The following KALRN variants were observed in gnomAD, a reference collection of about 807,000 sequenced individuals.
The protein encoded by KALRN is kalirin RhoGEF kinase, also known as kalirin.
KALRN carries 70 observed loss-of-function variants against 353.7 expected under a neutral mutation model. The ratio of observed to expected loss-of-function variants is 0.20; its 90% confidence interval spans 0.16 to 0.24. KALRN has a LOEUF of 0.24. Ranked by LOEUF, KALRN falls within the 10% of genes least tolerant of loss-of-function variation. The pLI, the probability that KALRN is intolerant of heterozygous loss-of-function variation, is 1.00. For missense variants in KALRN, 2,791 were observed against 3,756.7 expected (o/e 0.74, Z 6.72); for synonymous variants, 1,391 against 1,434.8 (o/e 0.97, Z 0.69).
At chr3:124,549,945 A>C (rs965911943) in intron 33 of KALRN, among the ~76,000 whole-genome samples, 1 of 152,118 alleles carries the variant, frequency 6.6e-6, no homozygotes, top group Non-Finnish European at 1.5e-5. Flanking sequence ...GGGTTGAAGA[A>C]GTGGGTGGGG....
intron 1 of KALRN, among the ~76,000 whole-genome samples, chr3:124,141,420 T>G (rs2066614412): frequency 6.6e-6 from 1 of 152,162 alleles, no homozygotes; most frequent in African/African-American, 2.4e-5. Flanking sequence ...ATTTTCTGCT[T>G]TTTCTCATGT....
intron 3 of KALRN, among the ~76,000 whole-genome samples, chr3:124,238,309 T>TA (rs1318407632): frequency 6.6e-6 from 1 of 152,146 alleles, no homozygotes; most frequent in Non-Finnish European, 1.5e-5. Context: ...AGGCATGGCC[T>TA]CTGTTGCATT....
intron 1 of KALRN, among the ~76,000 whole-genome samples, chr3:124,185,168 A>T (rs2074065720): frequency 6.6e-6 from 1 of 152,112 alleles, no homozygotes; most frequent in African/African-American, 2.4e-5. Context: ...TGTTCATGCC[A>T]CTGCACCTGG....
chr3:124,315,650 T>C (rs1466932110), intron 6 of KALRN, among the ~76,000 whole-genome samples: 1 of 150,902 alleles, frequency 6.6e-6, no homozygotes, highest in African/African-American at 2.4e-5. Flanking sequence ...CCCCGAGACC[T>C]GTAGCTCAGT....
In KALRN at chr3:124,438,967, C is replaced by T. The variant is rs1244106396; in HGVS notation, c.3128C>T (p.Pro1043Leu). Residue 1043 changes from proline (P) to leucine (L), a missense_variant, in exon 18 of 60, where the codon CCA becomes CTA. Pro to Leu is a moderately conservative substitution (Grantham distance 98). This residue lies in a region of KALRN where 452 missense variants were observed against 575.8 expected (regional missense o/e 0.78). Coordinates refer to ENST00000682506, the MANE Select transcript of KALRN (RefSeq NM_001388419.1). ...DWCGGRDKLG[P>L]AAEIDHVIPL... ...TGTGGTGGACGAGATAAGCTGGGGC[C>T]AGCAGCAGAGATCGACCATGTCATT... is the stretch of plus-strand genomic sequence containing the variant. The T allele has an allele frequency of 6.2e-7, 1 of 1,613,936 alleles. No homozygotes were observed. The highest frequency in any genetic ancestry group is 8.5e-7 in the Non-Finnish European group (1 of 1,180,012).
intron 33 of KALRN, among the ~76,000 whole-genome samples, chr3:124,556,035 T>C (rs2071199779): frequency 6.6e-6 from 1 of 152,096 alleles, no homozygotes; most frequent in African/African-American, 2.4e-5. Flanking sequence ...TGAGGAAATT[T>C]AGGTATGAAG....
chr3:124,668,464 C>T (rs1472263784), intron 47 of KALRN, among the ~76,000 whole-genome samples: 1 of 152,198 alleles, frequency 6.6e-6, no homozygotes, highest in African/African-American at 2.4e-5. Flanking sequence ...TTCCTGGAAG[C>T]AGGACACCTG....
intron 37 of KALRN, 138 bp from the exon 38 acceptor site, chr3:124,650,670 A>G: frequency 1.3e-6 from 1 of 787,314 alleles, no homozygotes; most frequent in Non-Finnish European, 2.0e-6. Context: ...CTGGTCTGCT[A>G]GTGCTTCACT....
chr3:124,537,124 C>T (rs2068584004), intron 33 of KALRN, among the ~76,000 whole-genome samples: 1 of 152,162 alleles, frequency 6.6e-6, no homozygotes, highest in Admixed American at 6.5e-5. Context: ...TCACTGCAAC[C>T]TCCACCTCCC....
Position 124,474,713 on chromosome 3 carries a change from G to A in KALRN, c.4082G>A (p.Gly1361Glu). 1 of 1,613,980 alleles carries A rather than the reference G, an allele frequency of 6.2e-7. No individual in the cohort carries two copies. The highest frequency in any genetic ancestry group is 8.5e-7 in the Non-Finnish European group (1 of 1,179,884). ...TACGAGCAACTGCCTGAGGATGTGG[G>A]ACACTGCTTTGTTACCTGGGTAACC... ...EKYEQLPEDV[G>E]HCFVTWADKF... Residue 1361 changes from glycine to glutamate, a missense_variant, in exon 26 of 60, where the codon GGA becomes GAA. Transcript: ENST00000682506.
At chr3:124,359,460 C>T (rs576757140) in intron 10 of KALRN, among the ~76,000 whole-genome samples, 1 of 152,228 alleles carries the variant, frequency 6.6e-6, no homozygotes, top group Non-Finnish European at 1.5e-5. Context: ...AATCTACCCC[C>T]CTAGTAGTCC....
chr3:124,283,204 T>A (rs1366289523), intron 5 of KALRN, among the ~76,000 whole-genome samples: 1 of 152,222 alleles, frequency 6.6e-6, no homozygotes, highest in Admixed American at 6.5e-5. Flanking sequence ...ATTTTTGCAG[T>A]AACAATAATA....
chr3:124,330,285 CA>C (rs1377171217), intron 8 of KALRN, among the ~76,000 whole-genome samples: 5 of 149,698 alleles, frequency 3.3e-5, no homozygotes, highest in African/African-American at 7.5e-5. Context: ...CACACACACA[CA>C]CCCCATACAC....
intron 3 of KALRN, among the ~76,000 whole-genome samples, chr3:124,257,058 G>A (rs2072112597): frequency 6.6e-6 from 1 of 152,192 alleles, no homozygotes; most frequent in Non-Finnish European, 1.5e-5. Flanking sequence ...TGACTCCACT[G>A]GAGAGACCCT....
intron 6 of KALRN, among the ~76,000 whole-genome samples, chr3:124,309,589 G>A (rs1580788756): frequency 6.6e-6 from 1 of 151,880 alleles, no homozygotes; most frequent in East Asian, 1.9e-4. Context: ...ACAAAATCCA[G>A]CAACATATAG....
chr3:124,196,838 G>A (rs1433808494), intron 1 of KALRN, among the ~76,000 whole-genome samples: 1 of 152,106 alleles, frequency 6.6e-6, no homozygotes, highest in Non-Finnish European at 1.5e-5. Flanking sequence ...GTGATTTCTT[G>A]TTCTACAGTT....
At chr3:124,489,642 A>G (rs1410029587) in intron 29 of KALRN, among the ~76,000 whole-genome samples, 1 of 152,112 alleles carries the variant, frequency 6.6e-6, no homozygotes, top group Non-Finnish European at 1.5e-5. Flanking sequence ...CCCACCCTGG[A>G]AGTACCTGCA....
chr3:124,602,775 C>G (rs1023548003), intron 34 of KALRN, among the ~76,000 whole-genome samples: 1 of 152,184 alleles, frequency 6.6e-6, no homozygotes, highest in African/African-American at 2.4e-5. Flanking sequence ...GTGACTGTAG[C>G]ATCCTTAGGT....
At chr3:124,661,082 C>T (rs1429744980) in intron 44 of KALRN, 109 bp downstream of exon 44, 5 of 836,216 alleles carry the variant, frequency 6.0e-6, no homozygotes, top group Non-Finnish European at 1.0e-5. Context: ...GTGGACCCCT[C>T]TCAGACAGTA....
Sources: gnomAD v4.1 joint callset for allele counts (sites outside exome capture counted in the v4.1 genomes callset) on GRCh38, gnomAD v4.1.1 for gene constraint, gnomAD v4.1.1 regional missense constraint, MANE v1.5 for transcripts, NCBI Gene and HGNC (gene_info 2026-07-23, HGNC 2026-07-21) for gene names.